RGS6: variants seen among roughly 807,000 people sequenced by gnomAD.
RGS6 encodes regulator of G-protein signaling 6.
In RGS6, 30 loss-of-function variants were observed where a neutral mutation model predicts 78.5. The ratio of observed to expected loss-of-function variants is 0.38; its 90% CI spans 0.29 to 0.52. RGS6 has a LOEUF of 0.52. RGS6 is among the 20% of genes least tolerant of loss of function. RGS6 has a pLI of 0.85. For synonymous variants in RGS6, 206 were observed against 206.0 expected (o/e 1.00, Z 0.00); for missense variants, 495 against 609.7 (o/e 0.81, Z 1.98).
At chr14:71,926,660 T>C in the RGS6 span, among the ~76,000 whole-genome samples, 1 of 151,056 alleles carries the variant, frequency 6.6e-6, no homozygotes, top group African/African-American at 2.4e-5. Context: ...GACAATACCA[T>C]GTGAGTTGAA....
At chr14:71,878,547 G>T in the RGS6 span, among the ~76,000 whole-genome samples, 3 of 152,194 alleles carry the variant, frequency 2.0e-5, no homozygotes, top group Non-Finnish European at 2.9e-5. Context: ...GCAGTATTAG[G>T]GTGGGAGTGA....
intron 2 of RGS6, among the ~76,000 whole-genome samples, chr14:72,095,774 A>G (rs944675112): frequency 2.0e-5 from 3 of 152,236 alleles, no homozygotes; most frequent in African/African-American, 7.2e-5. Flanking sequence ...TGTCATCACC[A>G]TGAAAGTGGA....
At chr14:72,029,301 G>T (rs4383069) in intron 2 of RGS6, among the ~76,000 whole-genome samples, 6,643 of 152,248 alleles carry the variant, frequency 0.044, 175 homozygotes, top group African/African-American at 0.078. Flanking sequence ...CCTTGCTGAG[G>T]AGTGATGTAC....
At chr14:72,147,642 G>A (rs1415314809) in intron 2 of RGS6, among the ~76,000 whole-genome samples, 14 of 152,164 alleles carry the variant, frequency 9.2e-5, no homozygotes, top group Admixed American at 9.2e-4. Flanking sequence ...AGCACATGGG[G>A]TACAGAATTA....
Position 72,495,469 on chromosome 14 carries a change from A to G in RGS6, c.965+207A>G, listed in dbSNP as rs1048877690. Among the ~76,000 whole-genome samples, 5 of 152,024 alleles carry G rather than the reference A, an allele frequency of 3.3e-5. No individual in the cohort carries two copies. In the East Asian group the frequency reaches 5.8e-4, roughly 18 times the overall value. ...ATGGATCCTTTGTGGCTCCCCTCTGACCCTTTGGATACCATGATAACTGAG... is the reference window on the plus strand; with the variant it reads ...ATGGATCCTTTGTGGCTCCCCTCTGGCCCTTTGGATACCATGATAACTGAG... On this transcript the variant is annotated intron_variant, in intron 13 of 17. Coordinates refer to ENST00000553525, the MANE Select transcript of RGS6 (RefSeq NM_001204424.2).
intron 2 of RGS6, among the ~76,000 whole-genome samples, chr14:72,197,866 G>A (rs1031453473): frequency 6.6e-6 from 1 of 151,898 alleles, no homozygotes; most frequent in African/African-American, 2.4e-5. Flanking sequence ...AAGACTTTCT[G>A]GATCCTCCAG....
At position 72,472,725 on chromosome 14, in the gene RGS6, C is replaced by T. The variant is rs529595930; in HGVS notation, c.537-147C>T. On this transcript the variant is annotated intron_variant, in intron 8 of 17. Transcript: ENST00000553525. ...GGGGGAATTATACACCCCTATTTCA[C>T]AGCTCTGCAGAGAGCAGGCACCATG... 2.5e-5 allele frequency: 14 copies of T among 550,904 alleles called. No individual in the cohort carries two copies. In the Middle Eastern group the frequency reaches 9.3e-4, roughly 36 times the overall value. The allele number at this position is 550,904 out of a possible 1,614,324, so 34.1% of individuals were successfully genotyped here. A position where few individuals can be genotyped will look rare whatever the true frequency, so the allele number is the denominator to read the frequency against.
At chr14:72,375,752 T>C (rs566785147) in intron 3 of RGS6, among the ~76,000 whole-genome samples, 2 of 152,332 alleles carry the variant, frequency 1.3e-5, no homozygotes, top group Non-Finnish European at 2.9e-5. Context: ...TTCATAAATA[T>C]CGCTAGTATG....
chr14:72,178,253 C>T (rs1227414891), intron 2 of RGS6, among the ~76,000 whole-genome samples: 2 of 152,254 alleles, frequency 1.3e-5, no homozygotes, highest in East Asian at 3.8e-4. Flanking sequence ...TTGCCTAAGG[C>T]TGTGGCCACC....
At chr14:72,419,507 T>A (rs1310456854) in intron 3 of RGS6, among the ~76,000 whole-genome samples, 15 of 152,200 alleles carry the variant, frequency 9.9e-5, no homozygotes, top group Admixed American at 9.8e-4. Flanking sequence ...CCAAATCCTA[T>A]CGGCTGAACA....
At chr14:72,067,151 A>T (rs8020742) in intron 2 of RGS6, among the ~76,000 whole-genome samples, 98,988 of 151,984 alleles carry the variant, frequency 0.65, 32,661 homozygotes, top group East Asian at 0.81. Flanking sequence ...TAGCAGCATG[A>T]TTTATAATCC....
intron 2 of RGS6, among the ~76,000 whole-genome samples, chr14:72,285,512 A>G (rs2062374986): frequency 6.6e-6 from 1 of 152,106 alleles, no homozygotes. Context: ...GAGTCCATTA[A>G]ACCTCTTTTT....
intron 2 of RGS6, among the ~76,000 whole-genome samples, chr14:71,970,768 G>A (rs1320930967): frequency 6.6e-6 from 1 of 152,188 alleles, no homozygotes; most frequent in African/African-American, 2.4e-5. Flanking sequence ...CAGGCCAGCT[G>A]GGGGTAAATG....
At chr14:72,402,410 A>T (rs930265360) in intron 3 of RGS6, among the ~76,000 whole-genome samples, 1 of 152,234 alleles carries the variant, frequency 6.6e-6, no homozygotes, top group Non-Finnish European at 1.5e-5. Flanking sequence ...GAAAGAAAAC[A>T]ATAAACAGGG....
intron 2 of RGS6, among the ~76,000 whole-genome samples, chr14:72,348,574 C>A (rs2078501015): frequency 6.6e-6 from 1 of 152,040 alleles, no homozygotes; most frequent in African/African-American, 2.4e-5. Context: ...GTGGACTGTG[C>A]TCAAGAATCA....
chr14:71,976,652 A>G (rs10132089), intron 2 of RGS6, among the ~76,000 whole-genome samples: 73,285 of 151,978 alleles, frequency 0.48, 17,841 homozygotes, highest in East Asian at 0.55. Flanking sequence ...TTCTTAATCC[A>G]GTCTATCATT....
At chr14:72,108,369 G>T (rs1217228850) in intron 2 of RGS6, among the ~76,000 whole-genome samples, 1 of 151,900 alleles carries the variant, frequency 6.6e-6, no homozygotes, top group East Asian at 1.9e-4. Context: ...TTTCTTTAAA[G>T]TCTTGTCATT....
intron 2 of RGS6, among the ~76,000 whole-genome samples, chr14:72,276,922 TCTA>T (rs1220525480): frequency 1.3e-5 from 2 of 152,218 alleles, no homozygotes; most frequent in Middle Eastern, 3.2e-3. Context: ...ATATCCAACT[TCTA>T]CTATTTTTTT....
chr14:72,074,926 A>G (rs2094525194), intron 2 of RGS6, among the ~76,000 whole-genome samples: 1 of 152,128 alleles, frequency 6.6e-6, no homozygotes, highest in Non-Finnish European at 1.5e-5. Context: ...CAGGCCCTTT[A>G]TTTAGCTTCC....
Sources: gnomAD v4.1 joint callset for allele counts (sites outside exome capture counted in the v4.1 genomes callset) on GRCh38, gnomAD v4.1.1 for gene constraint, MANE v1.5 for transcripts, NCBI Gene and HGNC (gene_info 2026-07-23, HGNC 2026-07-21) for gene names.